The following EPHB4 variants were observed in gnomAD, a reference collection of about 807,000 sequenced individuals.
The protein encoded by EPHB4 is EPH receptor B4, also known as ephrin type-B receptor 4.
In EPHB4, 50 loss-of-function variants were observed where a neutral mutation model predicts 110.6. The observed-to-expected ratio is 0.45, with a 90% CI of 0.36 to 0.57. The LOEUF (loss-of-function observed/expected upper bound fraction) is 0.57, where lower values mean the gene tolerates loss of function less well. Ranked by LOEUF, EPHB4 falls within the 20% of genes least tolerant of loss-of-function variation. The pLI, the probability that EPHB4 is intolerant of heterozygous loss-of-function variation, is 0.00. For synonymous variants in EPHB4, 592 were observed against 578.4 expected (o/e 1.02, Z -0.34); for missense variants, 1,128 against 1,382.1 (o/e 0.82, Z 2.91).
chr7:100,826,748 C>A (rs1226398218), intron 1 of EPHB4: 3 of 466,176 alleles, frequency 6.4e-6, no homozygotes, highest in Non-Finnish European at 1.2e-5. Context: ...AGGGGAATGT[C>A]CCGGGTCGTA....
chr7:100,822,902 G>A lies in EPHB4; in HGVS notation c.412-235C>T, dbSNP rs914509255. Among the ~76,000 whole-genome samples the A allele has an allele frequency of 1.3e-5, 2 of 152,134 alleles. No individual in the cohort carries two copies. The highest frequency in any genetic ancestry group is 2.9e-5 in the Non-Finnish European group (2 of 68,032). ...CACCTCTCCCCCTTTTTATTCACTC[G>A]TTCTACAAACATTTACTGACACTGA... On this transcript the variant is annotated intron_variant, in intron 3 of 16. Coordinates refer to ENST00000358173, the MANE Select transcript of EPHB4 (RefSeq NM_004444.5). This position sits in a 1 kb window ranked among gnomAD's most constrained non-coding sequence, Gnocchi z 4.7.
chr7:100,805,703 A>C lies in EPHB4; in HGVS notation c.2485-9T>G, dbSNP rs755372079. ...TCAATGGCATTGATCACCTGGAAAG[A>C]GGGGAAGAAGCTCTGGGTGAGGCTG... On this transcript the variant is annotated splice_polypyrimidine_tract_variant and intron_variant, in intron 14 of 16. Coordinates refer to ENST00000358173, the MANE Select transcript of EPHB4 (RefSeq NM_004444.5). The C allele has an allele frequency of 5.4e-5, 78 of 1,456,096 alleles. No homozygotes were observed. Among genetic ancestry groups the C allele is most frequent in the Non-Finnish European group, 6.5e-5 (72 of 1,104,334 alleles). The allele number at this position is 1,456,096 out of a possible 1,614,324, so 90.2% of individuals were successfully genotyped here. A position where few individuals can be genotyped will look rare whatever the true frequency, so the allele number is the denominator to read the frequency against.
chr7:100,817,034 G>T (rs1813089166), intron 8 of EPHB4, among the ~76,000 whole-genome samples, 158 bp downstream of exon 8: 1 of 141,428 alleles, frequency 7.1e-6, no homozygotes, highest in East Asian at 2.0e-4. Context: ...AGTGAGCGGA[G>T]ATGGTGCCAC....
intron 8 of EPHB4, 78 bp from the exon 9 acceptor site, chr7:100,814,099 C>T (rs1813010431): frequency 6.7e-7 from 1 of 1,496,590 alleles, no homozygotes; most frequent in Admixed American, 1.9e-5. Context: ...GAGCAATGAA[C>T]TGTGATCTCC....
intron 7 of EPHB4, among the ~76,000 whole-genome samples, chr7:100,818,158 C>T (rs1337267855): frequency 6.6e-6 from 1 of 152,068 alleles, no homozygotes; most frequent in Non-Finnish European, 1.5e-5. Flanking sequence ...TAAGCTACCG[C>T]GCCCGGCCCA....
intron 4 of EPHB4, among the ~76,000 whole-genome samples, chr7:100,821,618 A>T (rs1268578820): frequency 6.9e-6 from 1 of 145,462 alleles, no homozygotes; most frequent in Non-Finnish European, 1.5e-5. Context: ...ACAGAGCAAG[A>T]CTCTGTCTTG....
rs1275311841 is a variant in EPHB4 at position 100,822,572 on chromosome 7, G to C, written c.507C>G (p.Leu169=). ...VNVKTLRLGP[L]SKAGFYLAFQ... ...AGGCCAGGTAGAAGCCAGCCTTGCT[G>C]AGCGGTCCCAGACGCAGCGTCTTGA... The change falls in exon 4 of 17, where the codon CTC becomes CTG. Residue 169 remains leucine (L), a synonymous_variant. Coordinates refer to ENST00000358173, the MANE Select transcript of EPHB4 (RefSeq NM_004444.5). The surrounding 1 kb of genome is among the most constrained non-coding windows in gnomAD (Gnocchi z 4.7). 1.2e-6 allele frequency: 2 copies of C among 1,612,980 alleles called. No homozygotes were observed. Among genetic ancestry groups the C allele is most frequent in the Non-Finnish European group, 1.7e-6 (2 of 1,179,886 alleles).
chr7:100,803,732 T>TC (rs1812751920), intron 16 of EPHB4, 142 bp from the exon 17 acceptor site: 1 of 1,142,408 alleles, frequency 8.8e-7, no homozygotes, highest in East Asian at 2.9e-5. Flanking sequence ...TGTCAACAGT[T>TC]CCCGGGCAGT....
chr7:100,808,286 A>G (rs112463733), intron 12 of EPHB4, among the ~76,000 whole-genome samples: 3 of 152,266 alleles, frequency 2.0e-5, no homozygotes, highest in African/African-American at 7.2e-5. Context: ...TGGCACGATC[A>G]TGGTTCACCG....
At chr7:100,813,239 G>T in intron 10 of EPHB4, 31 bp from the exon 11 acceptor site, 1 of 1,570,634 alleles carries the variant, frequency 6.4e-7, no homozygotes, top group South Asian at 1.1e-5. Context: ...CCGTCAGCTG[G>T]GAATTAACTC....
At chr7:100,820,625 T>A in intron 4 of EPHB4, 1 of 203,078 alleles carries the variant, frequency 4.9e-6, no homozygotes, top group Non-Finnish European at 9.8e-6. Flanking sequence ...GGCAGTCTGG[T>A]GAAGCCCACA....
rs141919245 is a variant in EPHB4, at chr7:100,826,955, G to GCCCC, written c.52+20_52+23dup. ...GGAGGTCCCAGGAGTGACGGGGTGCGCCCCCCCCCGCAAGGAAACTCACCT... is the reference window on the plus strand; with the variant it reads ...GGAGGTCCCAGGAGTGACGGGGTGCGCCCCCCCCCCCCCGCAAGGAAACTCACCT... On this transcript the variant is annotated intron_variant, in intron 1 of 16. Transcript: ENST00000358173. 8.1e-6 allele frequency: 12 copies of GCCCC among 1,485,818 alleles called. No homozygotes were observed. The African/African-American group carries it at 1.0e-4, about 13-fold the overall frequency. 92.0% of individuals were successfully genotyped at this position (1,485,818 alleles called of 1,614,324 possible). A position where few individuals can be genotyped will look rare whatever the true frequency, so the allele number is the denominator to read the frequency against.
intron 2 of EPHB4, 33 bp downstream of exon 2, chr7:100,824,170 T>C (rs746650016): frequency 6.2e-7 from 1 of 1,613,830 alleles, no homozygotes; most frequent in Non-Finnish European, 8.5e-7. Flanking sequence ...TCAGTTTCCC[T>C]CCAGAGCTCC....
intron 9 of EPHB4, 60 bp downstream of exon 9, chr7:100,813,859 C>A: frequency 1.2e-6 from 2 of 1,607,738 alleles, no homozygotes; most frequent in South Asian, 1.1e-5. Context: ...TCCTGTAGCA[C>A]CCAGGCAGGT....
intron 4 of EPHB4, among the ~76,000 whole-genome samples, chr7:100,821,431 C>T (rs1813229915): frequency 6.6e-6 from 1 of 151,176 alleles, no homozygotes; most frequent in Admixed American, 6.6e-5. Flanking sequence ...AGATCGAGAC[C>T]ATCCTGGCTA....
At chr7:100,810,166 C>A (rs2116425009) in intron 12 of EPHB4, among the ~76,000 whole-genome samples, 1 of 152,284 alleles carries the variant, frequency 6.6e-6, no homozygotes, top group South Asian at 2.1e-4. Flanking sequence ...AGAAGAATCT[C>A]TTGAACCCAG....
intron 12 of EPHB4, 118 bp from the exon 13 acceptor site, chr7:100,807,698 G>A (rs1470560418): frequency 1.9e-6 from 2 of 1,051,862 alleles, no homozygotes; most frequent in African/African-American, 3.2e-5. Flanking sequence ...CTGGAGTGCA[G>A]TGGTGCCATC....
At chr7:100,819,190 G>A (rs1813157165) in intron 6 of EPHB4, among the ~76,000 whole-genome samples, 1 of 152,156 alleles carries the variant, frequency 6.6e-6, no homozygotes, top group African/African-American at 2.4e-5. Flanking sequence ...ATAGCTCACT[G>A]CAGCCTCCGA....
Position 100,813,553 on chromosome 7 carries a change from T to G in EPHB4, c.1756+99A>C, listed in dbSNP as rs1288173081. 1.2e-5 allele frequency: 16 copies of G among 1,308,800 alleles called. No homozygotes were observed. The East Asian group carries it at 2.3e-4, about 19-fold the overall frequency. The allele number at this position is 1,308,800 out of a possible 1,614,324, so 81.1% of individuals were successfully genotyped here. ...CTGGTCTCGAACTCCTGACCTCAAGTGATCTGCCCACCTCTGCCTCCCAAA... is the reference window on the plus strand; with the variant it reads ...CTGGTCTCGAACTCCTGACCTCAAGGGATCTGCCCACCTCTGCCTCCCAAA... On this transcript the variant is annotated intron_variant, in intron 10 of 16. Coordinates refer to ENST00000358173, the MANE Select transcript of EPHB4 (RefSeq NM_004444.5).
Sources: gnomAD v4.1 joint callset for allele counts (sites outside exome capture counted in the v4.1 genomes callset) on GRCh38, gnomAD v4.1.1 for gene constraint, Gnocchi (gnomAD v3.1) non-coding constraint, MANE v1.5 for transcripts, NCBI Gene and HGNC (gene_info 2026-07-23, HGNC 2026-07-21) for gene names.